The following RAB3GAP2 variants were observed in gnomAD, a reference collection of about 807,000 sequenced individuals.
The protein encoded by RAB3GAP2 is rab3 GTPase-activating protein non-catalytic subunit.
In RAB3GAP2, 87 loss-of-function variants were observed where a neutral mutation model predicts 185.3. That is an observed-to-expected ratio of 0.47 (90% CI 0.39 to 0.56). RAB3GAP2 has a LOEUF of 0.56. Among genes scored for constraint, RAB3GAP2 ranks in the 20% least tolerant of loss-of-function variants. RAB3GAP2 has a pLI of 0.00. For synonymous variants in RAB3GAP2, 554 were observed against 576.1 expected, an observed-to-expected ratio of 0.96 and a Z score of 0.55; for missense variants, 1,492 against 1,638.2, an observed-to-expected ratio of 0.91 and a Z score of 1.54.
chr1:220,216,361 A>T (rs1040287541), intron 2 of RAB3GAP2, among the ~76,000 whole-genome samples: 2 of 152,218 alleles, frequency 1.3e-5, no homozygotes, highest in Non-Finnish European at 2.9e-5. Context: ...TCCCCCAAAG[A>T]TAAAAGTTAT....
At chr1:220,171,750 T>G in intron 23 of RAB3GAP2, 139 bp downstream of exon 23, 1 of 909,264 alleles carries the variant, frequency 1.1e-6, no homozygotes, top group South Asian at 1.5e-5. Flanking sequence ...ACGGCATCAT[T>G]CTCAATAAAG....
chr1:220,160,087 G>C (rs1657937367), intron 28 of RAB3GAP2, among the ~76,000 whole-genome samples: 2 of 151,780 alleles, frequency 1.3e-5, no homozygotes, highest in African/African-American at 2.4e-5. Flanking sequence ...GAACACCTAA[G>C]AATTCAGCTT....
At chr1:220,222,391 T>C (rs1027220430) in intron 2 of RAB3GAP2, among the ~76,000 whole-genome samples, 1 of 152,096 alleles carries the variant, frequency 6.6e-6, no homozygotes, top group Non-Finnish European at 1.5e-5. Context: ...ACCCTAGAGC[T>C]CTCTCACACA....
At chr1:220,164,822 CGAGA>C (rs769387338) in intron 26 of RAB3GAP2, 23 bp from the exon 27 acceptor site, 2 of 1,594,168 alleles carry the variant, frequency 1.3e-6, no homozygotes, top group Non-Finnish European at 1.7e-6. Context: ...GAGAAAAAAA[CGAGA>C]AAGAAAAAGA....
At chr1:220,226,013 A>C (rs1659395930) in intron 2 of RAB3GAP2, among the ~76,000 whole-genome samples, 1 of 152,222 alleles carries the variant, frequency 6.6e-6, no homozygotes, top group Non-Finnish European at 1.5e-5. Context: ...AATCTGCTAA[A>C]TCATAATTGC....
chr1:220,205,872 T>C, intron 8 of RAB3GAP2, 35 bp downstream of exon 8: 2 of 1,404,498 alleles, frequency 1.4e-6, no homozygotes, highest in Non-Finnish European at 2.0e-6. Context: ...AAACAAACAT[T>C]AACAGAGGTT....
chr1:220,196,507 A>C, intron 9 of RAB3GAP2, 109 bp from the exon 10 acceptor site: 1 of 1,139,288 alleles, frequency 8.8e-7, no homozygotes, highest in South Asian at 1.4e-5. Flanking sequence ...TTAATAACCA[A>C]AAGTCATTTT....
At chr1:220,186,273 A>G (rs1205720936) in intron 17 of RAB3GAP2, among the ~76,000 whole-genome samples, 1 of 152,136 alleles carries the variant, frequency 6.6e-6, no homozygotes, top group Non-Finnish European at 1.5e-5. Flanking sequence ...ACCAGTCCCA[A>G]AATATCTCTT....
At chr1:220,203,659 A>G (rs1658904695) in intron 8 of RAB3GAP2, among the ~76,000 whole-genome samples, 2 of 152,274 alleles carry the variant, frequency 1.3e-5, no homozygotes, top group Admixed American at 6.5e-5. Context: ...TTTATTAATA[A>G]ACTTCTTACC....
chr1:220,254,526 T>G, intron 1 of RAB3GAP2: 1 of 1,613,252 alleles, frequency 6.2e-7, no homozygotes. Flanking sequence ...CTGAGTACCA[T>G]CGGAAAGCTG....
chr1:220,182,621 T>C, intron 20 of RAB3GAP2, 97 bp downstream of exon 20: 1 of 1,260,904 alleles, frequency 7.9e-7, no homozygotes. Context: ...ATTATTTAAA[T>C]TTCAAAACAA....
intron 1 of RAB3GAP2, among the ~76,000 whole-genome samples, chr1:220,251,360 G>A (rs1163153801): frequency 2.0e-5 from 3 of 152,030 alleles, no homozygotes; most frequent in African/African-American, 7.2e-5. Flanking sequence ...AAGCTAAAAA[G>A]GCAAAGGTTA....
chr1:220,238,964 T>A (rs956446172), intron 1 of RAB3GAP2, among the ~76,000 whole-genome samples: 1 of 152,156 alleles, frequency 6.6e-6, no homozygotes. Flanking sequence ...TACACATACA[T>A]AAAAGTATCA....
At chr1:220,194,485 C>T (rs1004906650) in intron 12 of RAB3GAP2, among the ~76,000 whole-genome samples, 1 of 152,072 alleles carries the variant, frequency 6.6e-6, no homozygotes, top group Admixed American at 6.5e-5. Flanking sequence ...CTCTGCCTCC[C>T]GGGTTTGAGC....
intron 21 of RAB3GAP2, among the ~76,000 whole-genome samples, chr1:220,174,034 A>AG (rs1553274948): frequency 2.6e-5 from 4 of 151,376 alleles, no homozygotes; most frequent in African/African-American, 7.3e-5. Flanking sequence ...AAAAAAAAAA[A>AG]AAAAGAAAAG....
At chr1:220,231,835 T>C (rs1659506601) in intron 2 of RAB3GAP2, among the ~76,000 whole-genome samples, 1 of 152,200 alleles carries the variant, frequency 6.6e-6, no homozygotes, top group Admixed American at 6.5e-5. Flanking sequence ...CCACACTACA[T>C]CTGTGAATGA....
At chr1:220,206,339 C>T (rs564705852) in intron 7 of RAB3GAP2, among the ~76,000 whole-genome samples, 2 of 152,298 alleles carry the variant, frequency 1.3e-5, no homozygotes, top group East Asian at 3.9e-4. Context: ...CACCTGAAAT[C>T]CCAGACACGT....
In RAB3GAP2 at chr1:220,213,986, G is replaced by A. The variant is rs1484274123; in HGVS notation, c.181-7C>T. On this transcript the variant is annotated splice_polypyrimidine_tract_variant and splice_region_variant and intron_variant, in intron 2 of 34. Coordinates refer to ENST00000358951, the MANE Select transcript of RAB3GAP2 (RefSeq NM_012414.4). ...AAGTATTTCCTTCTTCTTCCTGTGGGTAAAACTACAATTACTGCATATGCA... is the reference window on the plus strand; with the variant it reads ...AAGTATTTCCTTCTTCTTCCTGTGGATAAAACTACAATTACTGCATATGCA... 4 of 1,612,730 alleles carry A rather than the reference G, an allele frequency of 2.5e-6. No individual in the cohort carries two copies. The highest frequency in any genetic ancestry group is 3.4e-6 in the Non-Finnish European group (4 of 1,179,296).
chr1:220,254,572 T>C (rs1442145826), intron 1 of RAB3GAP2: 1 of 1,547,642 alleles, frequency 6.5e-7, no homozygotes, highest in Admixed American at 1.7e-5. Flanking sequence ...TGTTTGGATC[T>C]CCGTAAACAC....
Sources: allele counts gnomAD v4.1 joint callset (sites outside exome capture counted in the v4.1 genomes callset), GRCh38; gene constraint gnomAD v4.1.1; transcripts MANE v1.5; gene names NCBI Gene and HGNC (gene_info 2026-07-23, HGNC 2026-07-21).